The following CAMK2D variants were observed in gnomAD, a reference collection of about 807,000 sequenced individuals.
CAMK2D encodes the protein calcium/calmodulin dependent protein kinase II delta, also known as calcium/calmodulin-dependent protein kinase type II subunit delta.
In CAMK2D, 37 loss-of-function variants were observed where a neutral mutation model predicts 84.0. That is an observed-to-expected ratio of 0.44 (90% CI 0.34 to 0.58). CAMK2D has a LOEUF of 0.58. Among genes scored for constraint, CAMK2D ranks in the 20% least tolerant of loss-of-function variants. The probability of loss-of-function intolerance (pLI) is 0.02; values close to 1 mark genes in which losing one functional copy is unlikely to be tolerated. For synonymous variants in CAMK2D, 202 were observed against 212.5 expected (o/e 0.95, Z 0.43); for missense variants, 448 against 652.5 (o/e 0.69, Z 3.41).
chr4:113,708,359 C>T (rs1593341637), intron 2 of CAMK2D, among the ~76,000 whole-genome samples: 1 of 152,250 alleles, frequency 6.6e-6, no homozygotes, highest in East Asian at 1.9e-4. Context: ...CAGAAGCAAA[C>T]AATTCTATAA....
intron 3 of CAMK2D, among the ~76,000 whole-genome samples, chr4:113,652,847 C>G (rs7676116): frequency 0.5 from 75,335 of 151,878 alleles, 19,760 homozygotes; most frequent in African/African-American, 0.66. Flanking sequence ...CTATAAGTAA[C>G]TCTAAAAATG....
intron 2 of CAMK2D, among the ~76,000 whole-genome samples, chr4:113,734,924 C>T (rs1210097518): frequency 6.9e-6 from 1 of 145,930 alleles, no homozygotes; most frequent in African/African-American, 2.6e-5. Context: ...GCAGAAAAAT[C>T]AACCCAAATG....
chr4:113,499,978 G>A (rs1306296973), intron 16 of CAMK2D, among the ~76,000 whole-genome samples: 1 of 152,040 alleles, frequency 6.6e-6, no homozygotes, highest in Non-Finnish European at 1.5e-5. Flanking sequence ...CCTTTGGAAT[G>A]TACACAAAAA....
At chr4:113,507,398 G>C (rs1250031356) in intron 13 of CAMK2D, among the ~76,000 whole-genome samples, 1 of 151,382 alleles carries the variant, frequency 6.6e-6, no homozygotes, top group Non-Finnish European at 1.5e-5. Context: ...TTACAGGTAC[G>C]GCCACCACAC....
intron 3 of CAMK2D, among the ~76,000 whole-genome samples, chr4:113,658,392 C>T (rs2099211920): frequency 6.6e-6 from 1 of 152,172 alleles, no homozygotes; most frequent in Admixed American, 6.5e-5. Flanking sequence ...TTGGTTCCCT[C>T]TGCCTACAAT....
chr4:113,483,914 T>A (rs1400798040), intron 16 of CAMK2D, among the ~76,000 whole-genome samples: 4 of 152,170 alleles, frequency 2.6e-5, no homozygotes, highest in Non-Finnish European at 5.9e-5. Context: ...GGTGCATCTA[T>A]GAGAATGTCT....
chr4:113,527,254 C>T (rs552573247), intron 8 of CAMK2D, among the ~76,000 whole-genome samples: 7 of 149,748 alleles, frequency 4.7e-5, no homozygotes, highest in Non-Finnish European at 9.0e-5. Context: ...GATATTTTAG[C>T]AATACAGTTT....
At chr4:113,652,138 A>C (rs1433213943) in intron 3 of CAMK2D, among the ~76,000 whole-genome samples, 1 of 152,218 alleles carries the variant, frequency 6.6e-6, no homozygotes, top group Non-Finnish European at 1.5e-5. Flanking sequence ...ACAGATTGTC[A>C]TGCCAGAATA....
At chr4:113,457,157 C>T in intron 19 of CAMK2D, 178 bp downstream of exon 19, 1 of 1,432,266 alleles carries the variant, frequency 7.0e-7, no homozygotes, top group Non-Finnish European at 9.1e-7. Flanking sequence ...CCACAAATGG[C>T]TGATCTGATT....
intron 4 of CAMK2D, among the ~76,000 whole-genome samples, chr4:113,588,879 G>A (rs2098845977): frequency 1.1e-5 from 1 of 87,822 alleles, no homozygotes; most frequent in Admixed American, 1.1e-4. Context: ...TAATAGTGGT[G>A]TCAAAAAAGA....
At chr4:113,595,438 GC>G (rs2098920175) in intron 4 of CAMK2D, among the ~76,000 whole-genome samples, 2 of 106,628 alleles carry the variant, frequency 1.9e-5, no homozygotes, top group Admixed American at 9.8e-5. Flanking sequence ...AATTATGTAT[GC>G]TTGTGTGTGT....
chr4:113,647,890 A>G (rs148107656), intron 3 of CAMK2D, among the ~76,000 whole-genome samples: 16 of 152,382 alleles, frequency 1.0e-4, no homozygotes, highest in African/African-American at 3.8e-4. Context: ...ACATATGAGA[A>G]TAACATTTGA....
In CAMK2D at chr4:113,693,256, G is replaced by A. The variant is rs572786447; in HGVS notation, c.161-31484C>T. Among the ~76,000 whole-genome samples the A allele has an allele frequency of 3.3e-5, 5 of 152,278 alleles. No homozygotes were observed. The South Asian group carries it at 1.0e-3, about 32-fold the overall frequency. ...CAGAACCAACATTTGTACAGTTTAT[G>A]AGCCCCAAAGCTCCCATAAAAAATT... On this transcript the variant is annotated intron_variant, in intron 2 of 20. Transcript: ENST00000511664.
At chr4:113,647,849 A>G (rs1265850975) in intron 3 of CAMK2D, among the ~76,000 whole-genome samples, 1 of 152,268 alleles carries the variant, frequency 6.6e-6, no homozygotes, top group East Asian at 1.9e-4. Flanking sequence ...TATAAGAAAT[A>G]TCAAAAGAAA....
chr4:113,487,078 A>G (rs17046106), intron 16 of CAMK2D, among the ~76,000 whole-genome samples: 4,379 of 152,308 alleles, frequency 0.029, 216 homozygotes, highest in African/African-American at 0.097. Context: ...ATTTCTACAC[A>G]AGCTCTTTCA....
At chr4:113,595,116 T>A (rs1215640977) in intron 4 of CAMK2D, among the ~76,000 whole-genome samples, 23 of 152,050 alleles carry the variant, frequency 1.5e-4, no homozygotes, top group Admixed American at 1.4e-3. Context: ...GAGTGTGGAA[T>A]GAAACAAAGT....
intron 5 of CAMK2D, among the ~76,000 whole-genome samples, chr4:113,550,999 C>T (rs553451406): frequency 2.6e-5 from 4 of 152,156 alleles, no homozygotes; most frequent in Non-Finnish European, 5.9e-5. Context: ...AGCTGGACAT[C>T]TGTTGAGGGT....
chr4:113,560,587 C>G (rs928111684), intron 4 of CAMK2D, among the ~76,000 whole-genome samples: 2 of 152,070 alleles, frequency 1.3e-5, no homozygotes, highest in Non-Finnish European at 2.9e-5. Context: ...AAGTTTCACC[C>G]AATACTTACC....
At chr4:113,473,921 C>T (rs12503836) in intron 16 of CAMK2D, among the ~76,000 whole-genome samples, 18,829 of 151,056 alleles carry the variant, frequency 0.12, 1,622 homozygotes, top group East Asian at 0.37. Flanking sequence ...TACCTTTGAC[C>T]GGAAATGGAA....
Sources: gnomAD v4.1 joint callset for allele counts (sites outside exome capture counted in the v4.1 genomes callset) on GRCh38, gnomAD v4.1.1 for gene constraint, MANE v1.5 for transcripts, NCBI Gene and HGNC (gene_info 2026-07-23, HGNC 2026-07-21) for gene names.